The following DNMT3A variants were observed in gnomAD, a reference collection of about 807,000 sequenced individuals.
DNMT3A encodes the protein DNA (cytosine-5)-methyltransferase 3A.
A neutral mutation model predicts 117.6 loss-of-function variants in DNMT3A; 267 were observed. The observed-to-expected ratio is 2.27, with a 90% CI of 2.05 to 2.51. The LOEUF (loss-of-function observed/expected upper bound fraction) is 2.51. DNMT3A is among the 30% of genes most tolerant of loss of function. The pLI is 0.00. For synonymous variants in DNMT3A, 432 were observed against 474.8 expected (o/e 0.91, Z 1.17); for missense variants, 1,029 against 1,260.2 (o/e 0.82, Z 2.78).
At chr2:25,260,828 G>C (rs1676534571) in intron 6 of DNMT3A, among the ~76,000 whole-genome samples, 1 of 152,120 alleles carries the variant, frequency 6.6e-6, no homozygotes. Context: ...GGAGTTGATG[G>C]AAGTCAGAAA....
intron 6 of DNMT3A, among the ~76,000 whole-genome samples, chr2:25,273,665 C>G (rs1325346268): frequency 6.6e-6 from 1 of 152,200 alleles, no homozygotes; most frequent in African/African-American, 2.4e-5. Context: ...TTTCAGCCTC[C>G]ATTTTCTCAC....
rs911070224 is a variant in DNMT3A at position 25,298,173 on chromosome 2, G to T, written c.177+1966C>A. Among the ~76,000 whole-genome samples the T allele has an allele frequency of 9.8e-5, 15 of 152,318 alleles. No individual in the cohort carries two copies. In the East Asian group the frequency reaches 2.7e-3, roughly 27 times the overall value. Reference sequence around the variant, plus strand: ...AGCAGCAGTTCAAGGTTACACAGGTGGTCAGTGGTGGAGCCAGAATTTGAA... The same window carrying T: ...AGCAGCAGTTCAAGGTTACACAGGTTGTCAGTGGTGGAGCCAGAATTTGAA... On this transcript the variant is annotated intron_variant, in intron 3 of 22. Transcript: ENST00000321117. The surrounding 1 kb of genome is among the most constrained non-coding windows in gnomAD (Gnocchi z 4.3).
intron 6 of DNMT3A, among the ~76,000 whole-genome samples, chr2:25,266,734 A>G (rs1024404655): frequency 6.6e-6 from 1 of 152,236 alleles, no homozygotes; most frequent in Non-Finnish European, 1.5e-5. Flanking sequence ...GGAAATGCCA[A>G]TTAAAAGCAT....
chr2:25,246,065 C>G lies in DNMT3A; in HGVS notation c.1430-1G>C. The G allele has an allele frequency of 6.2e-7, 1 of 1,614,206 alleles. No individual in the cohort carries two copies. The highest frequency in any genetic ancestry group is 8.5e-7 in the Non-Finnish European group (1 of 1,180,028). The stretch of plus-strand genomic sequence containing the variant: ...TGCCGCACCTCGTACACCAGCCGCT[C>G]TGCAAGGGGAGGAGAGCTGGCGTCA... On this transcript the variant is annotated splice_acceptor_variant, in intron 11 of 22. Transcript: ENST00000321117. LOFTEE classifies it high-confidence loss of function.
chr2:25,241,889 C>G lies in DNMT3A; in HGVS notation c.1937-182G>C, dbSNP rs17428236. 8.6e-3 allele frequency: 6,404 copies of G among 744,346 alleles called. 52 individuals are homozygous for G. The highest frequency in any genetic ancestry group is 0.016 in the South Asian group (753 of 46,774). 46.1% of individuals were successfully genotyped at this position (744,346 alleles called of 1,614,324 possible). A position where few individuals can be genotyped will look rare whatever the true frequency, so the allele number is the denominator to read the frequency against. ...ACTGGAGTATCCATAGTAAGGACAT[C>G]GAGGCTCTGTCTCATGCCTCGTTTG... is the stretch of plus-strand genomic sequence containing the variant. On this transcript the variant is annotated intron_variant, in intron 16 of 22. Transcript: ENST00000321117.
At chr2:25,280,954 G>C (rs1002506562) in intron 4 of DNMT3A, among the ~76,000 whole-genome samples, 1 of 152,292 alleles carries the variant, frequency 6.6e-6, no homozygotes, top group East Asian at 1.9e-4. Flanking sequence ...GTCATGGTGG[G>C]GTCCTGGGAA....
chr2:25,281,428 A>G lies in DNMT3A; in HGVS notation c.448+1013T>C. ...GGAGCATCATACATATTTGTCGAAT[A>G]ATAAATGAATAAAAGCTTCTTAATA... On this transcript the variant is annotated intron_variant, in intron 4 of 22. Coordinates refer to ENST00000321117, the MANE Select transcript of DNMT3A (RefSeq NM_022552.5). This position sits in a 1 kb window ranked among gnomAD's most constrained non-coding sequence, Gnocchi z 4.8. 3.9e-6 allele frequency: 4 copies of G among 1,034,098 alleles called. No homozygotes were observed. The highest frequency in any genetic ancestry group is 4.7e-6 in the Non-Finnish European group (4 of 859,308). The allele number at this position is 1,034,098 out of a possible 1,614,324, so 64.1% of individuals were successfully genotyped here.
chr2:25,310,463 T>C (rs1573475060), intron 2 of DNMT3A, among the ~76,000 whole-genome samples: 2 of 151,810 alleles, frequency 1.3e-5, no homozygotes, highest in Admixed American at 1.3e-4. Context: ...CTGCCCACCA[T>C]ATGGATGGCG....
chr2:25,238,934 T>C (rs963168901), intron 20 of DNMT3A, among the ~76,000 whole-genome samples, 196 bp downstream of exon 20: 1 of 152,234 alleles, frequency 6.6e-6, no homozygotes, highest in African/African-American at 2.4e-5. Flanking sequence ...CCACTAGTTG[T>C]TGGTTTCAGA....
In DNMT3A at chr2:25,289,504, G is replaced by A. The variant is rs184162402; in HGVS notation, c.178-6793C>T. 3.0e-3 allele frequency among the ~76,000 whole-genome samples: 460 copies of A among 152,218 alleles called. 3 individuals are homozygous for A. Among genetic ancestry groups the A allele is most frequent in the African/African-American group, 0.011 (454 of 41,528 alleles). On this transcript the variant is annotated intron_variant, in intron 3 of 22. Transcript: ENST00000321117. The stretch of plus-strand genomic sequence containing the variant: ...AAATTAATAAATGTAATTTTCACAG[G>A]GATCCTAGGGGAGCTGGAGCGATAC...
Position 25,275,223 on chromosome 2 carries a change from G to A in DNMT3A, c.493-136C>T, listed in dbSNP as rs879299909. ...CCCCTGGGAGTGCTGGGCAGGCCCC[G>A]TGTGGGCTGGAGGAGCGAGGGGCAT... On this transcript the variant is annotated intron_variant, in intron 5 of 22. Transcript: ENST00000321117. 9.8e-5 allele frequency: 128 copies of A among 1,300,348 alleles called. No homozygotes were observed. In the African/African-American group the frequency reaches 1.6e-3, roughly 17 times the overall value. 80.6% of individuals were successfully genotyped at this position (1,300,348 alleles called of 1,614,324 possible). A position where few individuals can be genotyped will look rare whatever the true frequency, so the allele number is the denominator to read the frequency against.
intron 3 of DNMT3A, among the ~76,000 whole-genome samples, chr2:25,289,651 G>T (rs139738833): frequency 6.6e-6 from 1 of 152,178 alleles, no homozygotes; most frequent in Non-Finnish European, 1.5e-5. Flanking sequence ...TCAGAAAAGC[G>T]CAAGCTCACA....
At chr2:25,291,895 G>T (rs2032789298) in intron 3 of DNMT3A, among the ~76,000 whole-genome samples, 1 of 152,242 alleles carries the variant, frequency 6.6e-6, no homozygotes, top group South Asian at 2.1e-4. Context: ...CTGGAAAAGG[G>T]CCTGGTTGTG....
chr2:25,282,780 A>G lies in DNMT3A; in HGVS notation c.178-69T>C. The G allele has an allele frequency of 6.8e-7, 1 of 1,471,638 alleles. No homozygotes were observed. Among genetic ancestry groups the G allele is most frequent in the Non-Finnish European group, 9.0e-7 (1 of 1,108,102 alleles). 91.2% of individuals were successfully genotyped at this position (1,471,638 alleles called of 1,614,324 possible). On this transcript the variant is annotated intron_variant, in intron 3 of 22. Transcript: ENST00000321117. The surrounding 1 kb of genome is among the most constrained non-coding windows in gnomAD (Gnocchi z 5.2). ...GGGCTTAGCCTGTTTTGGATCATTGACCGCTCTGAAATTCTAGAGAATGTT... is the reference window on the plus strand; with the variant it reads ...GGGCTTAGCCTGTTTTGGATCATTGGCCGCTCTGAAATTCTAGAGAATGTT...
chr2:25,243,746 C>G (rs781515328), intron 16 of DNMT3A, 152 bp downstream of exon 16: 2 of 900,376 alleles, frequency 2.2e-6, no homozygotes, highest in Admixed American at 4.6e-5. Context: ...GGACTGCATA[C>G]GTTTCCACTT....
At position 25,316,124 on chromosome 2, in the gene DNMT3A, C is replaced by G. The variant is rs554253127; in HGVS notation, c.-177-1963G>C. On this transcript the variant is annotated intron_variant, in intron 1 of 22. Coordinates refer to ENST00000321117, the MANE Select transcript of DNMT3A (RefSeq NM_022552.5). ...CAAGGGGCTGACAAGGACAGGGCAC[C>G]CCAAATGGAGTCGGGGGAGACCCAG... Among the ~76,000 whole-genome samples the G allele has an allele frequency of 2.7e-4, 41 of 152,338 alleles. No homozygotes were observed. In the South Asian group the frequency reaches 8.3e-3, roughly 31 times the overall value.
chr2:25,242,923 A>T (rs12997559), intron 16 of DNMT3A, among the ~76,000 whole-genome samples: 33,786 of 151,662 alleles, frequency 0.22, 4,691 homozygotes, highest in Non-Finnish European at 0.33. Flanking sequence ...TAATAATAAT[A>T]AAAAAAATAG....
At position 25,234,298 on chromosome 2, in the gene DNMT3A, T is replaced by A; in HGVS notation, c.2720A>T (p.Glu907Val). 1 of 1,613,810 alleles carries A rather than the reference T, an allele frequency of 6.2e-7. No individual in the cohort carries two copies. Residue 907 changes from glutamate to valine, a missense_variant, in exon 23 of 23, where the codon GAG becomes GTG. Transcript: ENST00000321117. The surrounding 1 kb of genome is among the most constrained non-coding windows in gnomAD (Gnocchi z 4.5). ...TGTCCCTTACACACACGCAAAATAC[T>A]CCTTCAGCGGAGCGAAGAGGTGGCG... ...VIRHLFAPLK[E>V]YFACV is the part of the protein sequence containing the mutation.
chr2:25,273,656 T>C (rs1217284600), intron 6 of DNMT3A, among the ~76,000 whole-genome samples: 2 of 152,168 alleles, frequency 1.3e-5, no homozygotes, highest in African/African-American at 2.4e-5. Context: ...TCCTCAGTCT[T>C]TCAGCCTCCA....
Sources: allele counts gnomAD v4.1 joint callset (sites outside exome capture counted in the v4.1 genomes callset), GRCh38; gene constraint gnomAD v4.1.1; non-coding constraint Gnocchi (gnomAD v3.1); transcripts MANE v1.5; gene names NCBI Gene and HGNC (gene_info 2026-07-23, HGNC 2026-07-21).